Variants in MPRIP observed in about 807,000 individuals in gnomAD.
MPRIP encodes myosin phosphatase Rho interacting protein.
MPRIP carries 59 observed loss-of-function variants against 234.9 expected under a neutral mutation model. The observed-to-expected ratio is 0.25, with a 90% CI of 0.20 to 0.31. The LOEUF (loss-of-function observed/expected upper bound fraction) is 0.31, where lower values mean the gene tolerates loss of function less well. Among genes scored for constraint, MPRIP ranks in the 10% least tolerant of loss-of-function variants. The pLI is 1.00. For synonymous variants in MPRIP, 1,144 were observed against 1,263.9 expected (o/e 0.91, Z 2.01); for missense variants, 2,436 against 3,071.0 (o/e 0.79, Z 4.89).
chr17:17,151,516 T>C (rs557772977), intron 12 of MPRIP, among the ~76,000 whole-genome samples: 1 of 152,296 alleles, frequency 6.6e-6, no homozygotes, highest in South Asian at 2.1e-4. Flanking sequence ...GGAGTTGTTG[T>C]CCTCATAGTT....
At chr17:17,140,263 C>G (rs2090785491) in intron 7 of MPRIP, among the ~76,000 whole-genome samples, 1 of 152,108 alleles carries the variant, frequency 6.6e-6, no homozygotes, top group African/African-American at 2.4e-5. Flanking sequence ...GGCTTGGCTT[C>G]TTCTCGGAGA....
intron 11 of MPRIP, among the ~76,000 whole-genome samples, chr17:17,148,008 A>C (rs1333067290): frequency 2.0e-5 from 3 of 152,326 alleles, no homozygotes; most frequent in East Asian, 1.9e-4. Flanking sequence ...GATAACTCCC[A>C]CATGTGGAAA....
intron 8 of MPRIP, among the ~76,000 whole-genome samples, chr17:17,143,195 G>T (rs76708426): frequency 0.085 from 12,971 of 152,208 alleles, 698 homozygotes; most frequent in Middle Eastern, 0.16. Flanking sequence ...TCTTCTCCTG[G>T]CTTCTCTCTT....
At chr17:17,142,573 C>CCACCTCACAGCT (rs1292048359) in intron 7 of MPRIP, 54 bp from the exon 8 acceptor site, 1 of 1,593,416 alleles carries the variant, frequency 6.3e-7, no homozygotes, top group Admixed American at 1.7e-5. Context: ...CGGCTCACTG[C>CCACCTCACAGCT]CACCTCACAG....
intron 1 of MPRIP, among the ~76,000 whole-genome samples, chr17:17,059,183 T>C (rs1187955578): frequency 6.6e-6 from 1 of 152,228 alleles, no homozygotes; most frequent in Non-Finnish European, 1.5e-5. Flanking sequence ...GCCTCACATT[T>C]TTAACTCTTT....
chr17:17,152,893 A>G (rs2045633087), intron 12 of MPRIP, among the ~76,000 whole-genome samples: 1 of 152,238 alleles, frequency 6.6e-6, no homozygotes, highest in South Asian at 2.1e-4. Flanking sequence ...CTGAGAAGCC[A>G]GCAGAAGAGC....
At chr17:17,172,633 A>C (rs1597507750) in intron 17 of MPRIP, 65 bp from the exon 18 acceptor site, 2 of 1,325,928 alleles carry the variant, frequency 1.5e-6, no homozygotes, top group East Asian at 2.3e-5. Flanking sequence ...GGAGCTCCCC[A>C]CCCCCACCCC....
intron 3 of MPRIP, among the ~76,000 whole-genome samples, chr17:17,107,314 A>G (rs909494671): frequency 6.6e-6 from 1 of 152,194 alleles, no homozygotes; most frequent in African/African-American, 2.4e-5. Context: ...ACTGAAGACA[A>G]GAGTCTTCAG....
intron 1 of MPRIP, among the ~76,000 whole-genome samples, chr17:17,056,045 C>T (rs770895808): frequency 1.1e-4 from 16 of 152,206 alleles, no homozygotes; most frequent in Non-Finnish European, 1.9e-4. Context: ...CCACATGACT[C>T]GAGAGGACTG....
chr17:17,092,587 G>A lies in MPRIP; in HGVS notation c.267+14511G>A, dbSNP rs139197684. Among the ~76,000 whole-genome samples the A allele has an allele frequency of 5.3e-5, 8 of 152,138 alleles. No homozygotes were observed. In the East Asian group the frequency reaches 1.5e-3, roughly 29 times the overall value. ...TTTCTCCTTGCTTGCTTCTATTCAC[G>A]TTTTCTGTCTCCTGCAGCCCATGGG... On this transcript the variant is annotated intron_variant, in intron 3 of 23. Transcript: ENST00000651222.
rs2046587183 is a variant in MPRIP at position 17,191,590 on chromosome 17, T to G, written c.*6696T>G. The G allele has an allele frequency of 6.6e-6, 1 of 152,212 alleles. No homozygotes were observed. The allele number at this position is 152,212 out of a possible 1,614,324, so 9.4% of individuals were successfully genotyped here. On this transcript the variant is annotated 3_prime_UTR_variant, in exon 24 of 24. Transcript: ENST00000651222. ...AGTCCCAAGGGGTGGACACGGCATG[T>G]TCCTCGGGCACAGCCTCAGTGGGGG... is the stretch of plus-strand genomic sequence containing the variant.
intron 1 of MPRIP, among the ~76,000 whole-genome samples, chr17:17,048,165 G>A (rs529813671): frequency 3.9e-5 from 6 of 152,214 alleles, no homozygotes; most frequent in Admixed American, 1.3e-4. Flanking sequence ...GACCTTGGCT[G>A]GGTCATTTTC....
chr17:17,094,665 C>CAGT (rs1177547566), intron 3 of MPRIP, among the ~76,000 whole-genome samples: 1 of 149,872 alleles, frequency 6.7e-6, no homozygotes, highest in Non-Finnish European at 1.5e-5. Flanking sequence ...CACCCAGGTA[C>CAGT]AGTAGCACAA....
intron 3 of MPRIP, among the ~76,000 whole-genome samples, chr17:17,105,420 A>C (rs2090044198): frequency 6.6e-6 from 1 of 152,104 alleles, no homozygotes; most frequent in Admixed American, 6.5e-5. Flanking sequence ...CGGTCTTGAA[A>C]CTGGGTGGGG....
chr17:17,180,557 G>T, intron 23 of MPRIP: 7 of 1,548,856 alleles, frequency 4.5e-6, no homozygotes, highest in Middle Eastern at 1.7e-4. Context: ...GCGGCACCGC[G>T]TGTGTTTGGG....
At chr17:17,044,755 G>A (rs1260611477) in intron 1 of MPRIP, among the ~76,000 whole-genome samples, 2 of 152,072 alleles carry the variant, frequency 1.3e-5, no homozygotes, top group Admixed American at 1.3e-4. Flanking sequence ...TTTTTAATCT[G>A]TTGATTATTA....
intron 3 of MPRIP, chr17:17,096,713 C>A: frequency 2.1e-6 from 1 of 470,518 alleles, no homozygotes; most frequent in South Asian, 1.6e-5. Flanking sequence ...GGGCTCAGCC[C>A]TGTCCTTACC....
At chr17:17,111,251 A>G (rs1416528790) in intron 3 of MPRIP, among the ~76,000 whole-genome samples, 2 of 110,418 alleles carry the variant, frequency 1.8e-5, no homozygotes, top group Non-Finnish European at 1.9e-5. Context: ...AAAAAAAAAA[A>G]GTACCATAGA....
chr17:17,168,219 G>A, intron 16 of MPRIP: 1 of 294,302 alleles, frequency 3.4e-6, no homozygotes, highest in African/African-American at 2.2e-5. Flanking sequence ...CCGTGTTCCT[G>A]AGAGCAGCCC....
Sources: allele counts gnomAD v4.1 joint callset (sites outside exome capture counted in the v4.1 genomes callset), GRCh38; gene constraint gnomAD v4.1.1; transcripts MANE v1.5; gene names NCBI Gene and HGNC (gene_info 2026-07-23, HGNC 2026-07-21).